Variants in ICE1 observed in about 807,000 individuals in gnomAD.
ICE1 encodes the protein little elongation complex subunit 1.
ICE1 carries 64 observed loss-of-function variants against 192.7 expected under a neutral mutation model. That is an observed-to-expected ratio of 0.33 (90% CI 0.27 to 0.41). The LOEUF is 0.41. Among genes scored for constraint, ICE1 ranks in the 10% least tolerant of loss-of-function variants. The probability of loss-of-function intolerance (pLI) is 1.00; values close to 1 mark genes in which losing one functional copy is unlikely to be tolerated. For missense variants in ICE1, 2,708 were observed against 2,696.0 expected, an observed-to-expected ratio of 1.00 and a Z score of -0.10; for synonymous variants, 1,010 against 984.5, an observed-to-expected ratio of 1.03 and a Z score of -0.49.
In ICE1 at chr5:5,457,512, A is replaced by T; in HGVS notation, c.872A>T (p.Asn291Ile). Reference sequence around the variant, plus strand: ...GAAAAACAGAGCTCCAGTGGAACAAATTGTAGTTCTGACCATGTTTTTAAT... The same window carrying T: ...GAAAAACAGAGCTCCAGTGGAACAATTTGTAGTTCTGACCATGTTTTTAAT... ...NVEKQSSSGT[N>I]CSSDHVFNEN... Residue 291 changes from asparagine to isoleucine, a missense_variant, in exon 12 of 19, where the codon AAT becomes ATT. Coordinates refer to ENST00000296564, the MANE Select transcript of ICE1 (RefSeq NM_015325.3). 6.2e-7 allele frequency: 1 copy of T among 1,613,972 alleles called. No individual in the cohort carries two copies. The highest frequency in any genetic ancestry group is 8.5e-7 in the Non-Finnish European group (1 of 1,179,870).
intron 17 of ICE1, among the ~76,000 whole-genome samples, chr5:5,483,789 A>G (rs1178066697): frequency 6.6e-6 from 1 of 152,170 alleles, no homozygotes. Flanking sequence ...ACTGTGTCAC[A>G]TGTCAGGTTT....
rs1332646724 is a variant in ICE1, at chr5:5,457,724, C to G, written c.1084C>G (p.Pro362Ala). 2 of 1,611,680 alleles carry G rather than the reference C, an allele frequency of 1.2e-6. No individual in the cohort carries two copies. The highest frequency in any genetic ancestry group is 2.7e-5 in the African/African-American group (2 of 74,866). ...PMSSPHPGSL[P>A]SSFAPETYFG... ...GTCATCACCTCACCCGGGTTCCTTA[C>G]CGTCTTCATTTGCACCTGTGAGTTT... The change falls in exon 12 of 19, where the codon CCG becomes GCG. Residue 362 changes from proline (P) to alanine (A), a missense_variant. By Grantham distance (27) the Pro-to-Ala change is conservative. Transcript: ENST00000296564.
At chr5:5,454,418 A>G (rs575965328) in intron 10 of ICE1, 134 bp from the exon 11 acceptor site, 7 of 608,050 alleles carry the variant, frequency 1.2e-5, no homozygotes, top group Non-Finnish European at 2.1e-5. Context: ...TATTGTGCAC[A>G]ATGGTTGAGT....
chr5:5,488,279 A>G (rs1739682351), intron 18 of ICE1, among the ~76,000 whole-genome samples: 1 of 152,238 alleles, frequency 6.6e-6, no homozygotes, highest in African/African-American at 2.4e-5. Flanking sequence ...AAACTGAGGT[A>G]CACATTGAGT....
At chr5:5,439,527 T>C (rs1349237829) in intron 3 of ICE1, among the ~76,000 whole-genome samples, 1 of 152,226 alleles carries the variant, frequency 6.6e-6, no homozygotes, top group Non-Finnish European at 1.5e-5. Flanking sequence ...AATTATTCTC[T>C]GCACTATTTG....
At position 5,465,106 on chromosome 5, in the gene ICE1, G is replaced by C. The variant is rs765052850; in HGVS notation, c.5772G>C (p.Glu1924Asp). The C allele has an allele frequency of 1.2e-6, 2 of 1,613,170 alleles. No homozygotes were observed. The highest frequency in any genetic ancestry group is 1.7e-6 in the Non-Finnish European group (2 of 1,179,502). ...AIANALKKIA[E>D]FSFDLLPVIR... Reference sequence around the variant, plus strand: ...CTAATGCCCTGAAGAAAATTGCAGAGTTTTCTTTTGATCTGTTACCTGTCA... The same window carrying C: ...CTAATGCCCTGAAGAAAATTGCAGACTTTTCTTTTGATCTGTTACCTGTCA... Residue 1924 changes from glutamate (E) to aspartate (D), a missense_variant, in exon 13 of 19, where the codon GAG (glutamate) becomes GAC (aspartate). Glu to Asp is a conservative substitution (Grantham distance 45). Around this residue, in one of 2 missense-constraint regions of ICE1, gnomAD observed 2,366 missense variants for 2,276.6 expected, o/e 1.04. Transcript: ENST00000296564.
At chr5:5,482,775 A>AACACACAC (rs70965943) in intron 17 of ICE1, among the ~76,000 whole-genome samples, 3,114 of 136,020 alleles carry the variant, frequency 0.023, 54 homozygotes, top group Non-Finnish European at 0.033. Context: ...CCCACCCCCC[A>AACACACAC]ACACACACAC....
At chr5:5,448,479 C>T (rs929022530) in intron 10 of ICE1, among the ~76,000 whole-genome samples, 7 of 152,172 alleles carry the variant, frequency 4.6e-5, no homozygotes, top group African/African-American at 1.7e-4. Context: ...AGAATTTTCA[C>T]TTCCATCCTT....
chr5:5,488,648 C>CACTGT (rs33999877), intron 18 of ICE1, among the ~76,000 whole-genome samples: 103,298 of 151,458 alleles, frequency 0.68, 35,432 homozygotes, highest in Admixed American at 0.78. Context: ...CAGAATCATA[C>CACTGT]ACTGTAGTTT....
rs751025979 is a variant in ICE1 at position 5,461,321 on chromosome 5, G to T, written c.1987G>T (p.Val663Leu). Residue 663 changes from valine (V) to leucine (L), a missense_variant, in exon 13 of 19, where the codon GTA (valine) becomes TTA (leucine). Val to Leu is a conservative substitution (Grantham distance 32, BLOSUM62 1). Transcript: ENST00000296564. ...CGNDTDITTK[V>L]FSTEPHHSEH... is the part of the protein sequence containing the mutation. ...TAATGATACAGATATTACTACTAAA[G>T]TATTCTCTACTGAACCGCATCATTC... 1.9e-6 allele frequency: 3 copies of T among 1,613,896 alleles called. 1 individual carries two copies. The South Asian group carries it at 3.3e-5, about 18-fold the overall frequency.
In ICE1 at chr5:5,457,323, C is replaced by T. The variant is rs761337175; in HGVS notation, c.692-9C>T. On this transcript the variant is annotated splice_polypyrimidine_tract_variant and intron_variant, in intron 11 of 18. Transcript: ENST00000296564. ...AATACCTGATACCTACTTTTGTTCC[C>T]CCACATAGAAAAACCTGCCAAAGCA... The T allele has an allele frequency of 6.3e-7, 1 of 1,582,830 alleles. No homozygotes were observed. Among genetic ancestry groups the T allele is most frequent in the African/African-American group, 1.4e-5 (1 of 73,098 alleles).
At chr5:5,423,262 G>A (rs1737385174) in intron 1 of ICE1, among the ~76,000 whole-genome samples, 1 of 152,120 alleles carries the variant, frequency 6.6e-6, no homozygotes, top group Admixed American at 6.5e-5. Context: ...AGTAAGCGAG[G>A]TTTGGAGGGC....
chr5:5,452,163 ATT>A (rs952502832), intron 10 of ICE1, among the ~76,000 whole-genome samples: 756 of 133,060 alleles, frequency 5.7e-3, no homozygotes, highest in African/African-American at 0.019. Context: ...TGTTTGTTCC[ATT>A]TTTTTTTTTT....
chr5:5,444,455 C>A, intron 7 of ICE1, 129 bp downstream of exon 7: 1 of 613,600 alleles, frequency 1.6e-6, no homozygotes, highest in South Asian at 2.3e-5. Context: ...TGGATGACTG[C>A]ATCAAGGGGT....
Position 5,478,941 on chromosome 5 carries a change from ATTAAC to A in ICE1, c.6520+2867_6520+2871del, listed in dbSNP as rs781704282. Among the ~76,000 whole-genome samples the A allele has an allele frequency of 1.2e-3, 176 of 152,332 alleles. 1 individual carries two copies. The highest frequency in any genetic ancestry group is 3.1e-3 in the Admixed American group (48 of 15,306). On this transcript the variant is annotated intron_variant, in intron 17 of 18. Transcript: ENST00000296564. Reference sequence around the variant, plus strand: ...CCCCTTCCTTACACCTTATACAAAAATTAACTTAAGATGGATTAAAGACTTAAATG... The same window carrying A: ...CCCCTTCCTTACACCTTATACAAAAATTAAGATGGATTAAAGACTTAAATG...
At chr5:5,444,502 G>T (rs1483681032) in intron 7 of ICE1, among the ~76,000 whole-genome samples, 176 bp downstream of exon 7, 3 of 152,156 alleles carry the variant, frequency 2.0e-5, no homozygotes, top group Non-Finnish European at 4.4e-5. Flanking sequence ...TCTCCTCTCA[G>T]TTACCAAATG....
At chr5:5,446,323 C>T (rs1016212859) in intron 7 of ICE1, among the ~76,000 whole-genome samples, 2 of 151,774 alleles carry the variant, frequency 1.3e-5, no homozygotes, top group African/African-American at 4.8e-5. Flanking sequence ...GAGACAGGGT[C>T]TCACTCCGTC....
Position 5,486,576 on chromosome 5 carries a change from T to C in ICE1, c.6521-145T>C, listed in dbSNP as rs1486043367. On this transcript the variant is annotated intron_variant, in intron 17 of 18. Coordinates refer to ENST00000296564, the MANE Select transcript of ICE1 (RefSeq NM_015325.3). ...CATTGTAACTTGGAAAGCAACACAT[T>C]GTATATCATCTGGTATAGGTGATTG... The C allele has an allele frequency of 5.2e-6, 3 of 581,606 alleles. No individual in the cohort carries two copies. In the East Asian group the frequency reaches 8.7e-5, roughly 17 times the overall value. The allele number at this position is 581,606 out of a possible 1,614,324, so 36.0% of individuals were successfully genotyped here.
Position 5,462,061 on chromosome 5 carries a change from T to A in ICE1, c.2727T>A (p.Asp909Glu), listed in dbSNP as rs576733027. 1.2e-6 allele frequency: 2 copies of A among 1,613,806 alleles called. No homozygotes were observed. The highest frequency in any genetic ancestry group is 1.7e-6 in the Non-Finnish European group (2 of 1,179,894). Residue 909 changes from aspartate to glutamate, a missense_variant, in exon 13 of 19, where the codon GAT (aspartate) becomes GAA (glutamate). By Grantham distance (45) the Asp-to-Glu change is conservative. Around this residue, in one of 2 missense-constraint regions of ICE1, gnomAD observed 2,366 missense variants for 2,276.6 expected, o/e 1.04. Coordinates refer to ENST00000296564, the MANE Select transcript of ICE1 (RefSeq NM_015325.3). Reference sequence around the variant, plus strand: ...TAGCAAAATGTGATGGGGAAAGAGATGATACAACACAAAACATCACGGAGG... The same window carrying A: ...TAGCAAAATGTGATGGGGAAAGAGAAGATACAACACAAAACATCACGGAGG... ...STVAKCDGER[D>E]DTTQNITEVA... is the part of the protein sequence containing the mutation.
Sources: allele counts gnomAD v4.1 joint callset (sites outside exome capture counted in the v4.1 genomes callset), GRCh38; gene constraint gnomAD v4.1.1; regional missense constraint gnomAD v4.1.1; transcripts MANE v1.5; gene names NCBI Gene and HGNC (gene_info 2026-07-23, HGNC 2026-07-21).